Variants in KGD4 observed in about 807,000 individuals in gnomAD.
KGD4 encodes alpha-ketoglutarate dehydrogenase subunit 4.
the KGD4 span, among the ~76,000 whole-genome samples, chr5:69,225,038 C>T: frequency 2.0e-5 from 3 of 148,560 alleles, no homozygotes; most frequent in East Asian, 6.2e-4. Flanking sequence ...CGTGCCGCTG[C>T]ACTCCAGCCT....
At chr5:69,221,558 GAA>G in the KGD4 span, among the ~76,000 whole-genome samples, 2 of 152,120 alleles carry the variant, frequency 1.3e-5, no homozygotes, top group African/African-American at 4.8e-5. Flanking sequence ...ACATGGTGCT[GAA>G]AAAATTGGAT....
chr5:69,218,498 G>GTGTA, the KGD4 span, among the ~76,000 whole-genome samples: 9 of 151,818 alleles, frequency 5.9e-5, no homozygotes, highest in African/African-American at 1.9e-4. Flanking sequence ...GTGTGTGTGT[G>GTGTA]TATAAGCGTT....
the KGD4 span, chr5:69,229,198 TC>T: frequency 1.2e-6 from 2 of 1,610,232 alleles, no homozygotes; most frequent in Non-Finnish European, 8.5e-7. Context: ...CTTTATTTTT[TC>T]CTTTTCAGCG....
chr5:69,221,895 G>A, the KGD4 span, among the ~76,000 whole-genome samples: 1 of 128,276 alleles, frequency 7.8e-6, no homozygotes, highest in Admixed American at 8.2e-5. Context: ...GGCTGGGCAC[G>A]GTGACTCATG....
At chr5:69,226,731 C>A in the KGD4 span, among the ~76,000 whole-genome samples, 1 of 152,012 alleles carries the variant, frequency 6.6e-6, no homozygotes, top group Non-Finnish European at 1.5e-5. Flanking sequence ...CTCCTATAGT[C>A]CCAGCTACTC....
At chr5:69,226,796 T>C in the KGD4 span, among the ~76,000 whole-genome samples, 150,435 of 152,076 alleles carry the variant, frequency 0.99, 74,514 homozygotes, top group Middle Eastern at 1. Flanking sequence ...TGCAGTGAGC[T>C]AAGATCATGC....
chr5:69,217,981 T>G, the KGD4 span: 1 of 1,575,816 alleles, frequency 6.3e-7, no homozygotes, highest in African/African-American at 1.4e-5. Context: ...TGACCGCGCC[T>G]CTGCGGAGGG....
chr5:69,219,721 A>C, the KGD4 span, among the ~76,000 whole-genome samples: 1 of 152,146 alleles, frequency 6.6e-6, no homozygotes, highest in African/African-American at 2.4e-5. Context: ...GAATACAACC[A>C]ATATGCTAAT....
the KGD4 span, among the ~76,000 whole-genome samples, chr5:69,227,394 G>C: frequency 5.0e-3 from 762 of 152,006 alleles, 4 homozygotes; most frequent in Non-Finnish European, 9.0e-3. Flanking sequence ...CATCTAGTCA[G>C]TAAATATTTT....
At chr5:69,228,052 T>C in the KGD4 span, 1 of 638,992 alleles carries the variant, frequency 1.6e-6, no homozygotes, top group Non-Finnish European at 2.5e-6. Context: ...TCTACAATAT[T>C]TACCTTTTGG....
At chr5:69,223,074 C>CTTTTGTTTTTTTT in the KGD4 span, among the ~76,000 whole-genome samples, 1 of 59,128 alleles carries the variant, frequency 1.7e-5, no homozygotes, top group Non-Finnish European at 2.8e-5. Flanking sequence ...CGGTGCGCAG[C>CTTTTGTTTTTTTT]TTTTTTTTTT....
the KGD4 span, chr5:69,217,948 A>AGGCGGT: frequency 6.2e-7 from 1 of 1,610,790 alleles, no homozygotes; most frequent in Non-Finnish European, 8.5e-7. Context: ...CGGGGAGTAA[A>AGGCGGT]GGCGGTGGCA....
chr5:69,226,353 A>T, the KGD4 span: 3 of 1,606,946 alleles, frequency 1.9e-6, no homozygotes, highest in Non-Finnish European at 2.6e-6. Flanking sequence ...CAAACCACAC[A>T]CTCCATTAAT....
the KGD4 span, among the ~76,000 whole-genome samples, chr5:69,226,137 T>C: frequency 1.0e-3 from 153 of 152,372 alleles, no homozygotes; most frequent in African/African-American, 3.5e-3. Context: ...CAATGAAGTC[T>C]TGTGATATAT....
chr5:69,221,823 C>T, the KGD4 span, among the ~76,000 whole-genome samples: 1 of 151,628 alleles, frequency 6.6e-6, no homozygotes, highest in African/African-American at 2.4e-5. Flanking sequence ...AGGCAAGCCA[C>T]ATATTGGGAG....
the KGD4 span, chr5:69,218,005 C>T: frequency 7.0e-7 from 1 of 1,437,308 alleles, no homozygotes; most frequent in Non-Finnish European, 9.6e-7. Context: ...GTGACGGCGC[C>T]CGCGGGTGTG....
the KGD4 span, chr5:69,217,762 A>G: frequency 1.2e-6 from 2 of 1,609,474 alleles, no homozygotes; most frequent in Non-Finnish European, 8.5e-7. Flanking sequence ...CACCGCCCAC[A>G]GCTGCCCGGG....
At chr5:69,229,062 A>C in the KGD4 span, 1 of 534,252 alleles carries the variant, frequency 1.9e-6, no homozygotes, top group South Asian at 2.0e-5. Flanking sequence ...TGATATGAGT[A>C]CCCAAAAGTT....
At chr5:69,218,851 A>G in the KGD4 span, among the ~76,000 whole-genome samples, 2 of 152,206 alleles carry the variant, frequency 1.3e-5, no homozygotes, top group African/African-American at 4.8e-5. Flanking sequence ...GTCCCATTGC[A>G]ATGAATGATC....
Sources: gnomAD v4.1 joint callset for allele counts (sites outside exome capture counted in the v4.1 genomes callset) on GRCh38, gnomAD v4.1.1 for gene constraint, MANE v1.5 for transcripts, NCBI Gene and HGNC (gene_info 2026-07-23, HGNC 2026-07-21) for gene names.